The following PHF20 variants were observed in gnomAD, a reference collection of about 807,000 sequenced individuals.
PHF20 encodes glioma-expressed antigen 2.
PHF20 carries 23 observed loss-of-function variants against 113.5 expected under a neutral mutation model. That is an observed-to-expected ratio of 0.20 (90% CI 0.15 to 0.29). The LOEUF (loss-of-function observed/expected upper bound fraction) is 0.29, where lower values mean the gene tolerates loss of function less well. Among genes scored for constraint, PHF20 ranks in the 10% least tolerant of loss-of-function variants. The pLI, the probability that PHF20 is intolerant of heterozygous loss-of-function variation, is 1.00. For missense variants in PHF20, 943 were observed against 1,219.6 expected (o/e 0.77, Z 3.38); for synonymous variants, 434 against 457.3 (o/e 0.95, Z 0.65).
intron 5 of PHF20, 147 bp from the exon 6 acceptor site, chr20:35,862,866 G>A: frequency 1.5e-6 from 1 of 668,486 alleles, no homozygotes; most frequent in Non-Finnish European, 2.5e-6. Flanking sequence ...CAGTACAGGT[G>A]GCTGTTGTCA....
intron 15 of PHF20, among the ~76,000 whole-genome samples, chr20:35,934,712 T>G (rs2055831144): frequency 6.8e-6 from 1 of 146,118 alleles, no homozygotes; most frequent in East Asian, 2.0e-4. Context: ...CCACAGGCCC[T>G]GCTTATACTT....
chr20:35,911,261 C>T (rs1267629424), intron 10 of PHF20, among the ~76,000 whole-genome samples: 1 of 151,816 alleles, frequency 6.6e-6, no homozygotes, highest in African/African-American at 2.4e-5. Context: ...CCAGGATGGT[C>T]TCAATCTCCT....
At position 35,860,159 on chromosome 20, in the gene PHF20, C is replaced by T. The variant is rs534872119; in HGVS notation, c.420+1778C>T. Among the ~76,000 whole-genome samples, 97 of 150,804 alleles carry T rather than the reference C, an allele frequency of 6.4e-4. 2 individuals are homozygous for T. The highest frequency in any genetic ancestry group is 5.7e-3 in the South Asian group (27 of 4,758). On this transcript the variant is annotated intron_variant, in intron 5 of 17. Coordinates refer to ENST00000374012, the MANE Select transcript of PHF20 (RefSeq NM_016436.5). The stretch of plus-strand genomic sequence containing the variant: ...CCTGAACTCCTGACCTCAAGTGATC[C>T]GCCCACCTTGGACTCCTAAAGTGCT...
rs771291094 is a variant in PHF20, at chr20:35,939,117, C to G, written c.2712+9C>G. On this transcript the variant is annotated intron_variant, in intron 16 of 17. Coordinates refer to ENST00000374012, the MANE Select transcript of PHF20 (RefSeq NM_016436.5). ...AACCCGGCTCCCCAAAGGTATGTGG[C>G]TGCCTTGTACTTGTTCTTCATTCAT... 5.7e-6 allele frequency: 9 copies of G among 1,577,022 alleles called. No homozygotes were observed. The highest frequency in any genetic ancestry group is 1.7e-4 in the Middle Eastern group (1 of 5,908).
chr20:35,775,797 TG>T (rs1231038045), intron 1 of PHF20, among the ~76,000 whole-genome samples: 1 of 149,858 alleles, frequency 6.7e-6, no homozygotes, highest in Non-Finnish European at 1.5e-5. Context: ...TCCAGGAGTT[TG>T]GTTTCTGTGT....
At chr20:35,886,549 G>A (rs781082751) in intron 9 of PHF20, among the ~76,000 whole-genome samples, 1 of 152,136 alleles carries the variant, frequency 6.6e-6, no homozygotes, top group Non-Finnish European at 1.5e-5. Context: ...AAACTGCTGG[G>A]CCACATGGCG....
intron 2 of PHF20, among the ~76,000 whole-genome samples, chr20:35,823,880 C>T (rs766672140): frequency 6.6e-6 from 1 of 152,172 alleles, no homozygotes; most frequent in Non-Finnish European, 1.5e-5. Flanking sequence ...ATTTGAGACT[C>T]ACCCGTATTT....
At chr20:35,879,510 G>A (rs1380220054) in intron 9 of PHF20, among the ~76,000 whole-genome samples, 3 of 151,942 alleles carry the variant, frequency 2.0e-5, no homozygotes, top group Non-Finnish European at 4.4e-5. Context: ...TGTAACAATC[G>A]TAAACATTAA....
intron 15 of PHF20, among the ~76,000 whole-genome samples, chr20:35,935,229 C>T (rs1056680284): frequency 2.0e-5 from 3 of 152,186 alleles, no homozygotes; most frequent in African/African-American, 4.8e-5. Context: ...TATCCTCCCA[C>T]CTCAGCCTCC....
At chr20:35,942,468 T>C (rs1415711538) in intron 17 of PHF20, among the ~76,000 whole-genome samples, 1 of 152,196 alleles carries the variant, frequency 6.6e-6, no homozygotes, top group Non-Finnish European at 1.5e-5. Flanking sequence ...CACAGGGACC[T>C]TCCCTGAGGG....
intron 12 of PHF20, 60 bp downstream of exon 12, chr20:35,914,257 C>A: frequency 2.0e-6 from 3 of 1,528,906 alleles, no homozygotes; most frequent in Non-Finnish European, 2.7e-6. Flanking sequence ...TACAAGCATA[C>A]CTGGGAGATA....
At chr20:35,869,225 A>G (rs956120728) in intron 6 of PHF20, among the ~76,000 whole-genome samples, 2 of 152,180 alleles carry the variant, frequency 1.3e-5, no homozygotes, top group East Asian at 3.8e-4. Flanking sequence ...CAGGAGGTCA[A>G]TTGGCAAGGT....
chr20:35,830,093 T>C (rs1206236305), intron 2 of PHF20, among the ~76,000 whole-genome samples: 3 of 151,988 alleles, frequency 2.0e-5, no homozygotes, highest in Non-Finnish European at 4.4e-5. Flanking sequence ...TTTTGTATTT[T>C]AGTAGAGACG....
At chr20:35,932,170 C>T (rs532703939) in intron 15 of PHF20, among the ~76,000 whole-genome samples, 12 of 146,476 alleles carry the variant, frequency 8.2e-5, no homozygotes, top group Admixed American at 7.0e-5. Flanking sequence ...TGGGTTCAAG[C>T]GATTCTCCCA....
chr20:35,816,802 T>TC (rs1281867623), intron 2 of PHF20, among the ~76,000 whole-genome samples: 203 of 150,802 alleles, frequency 1.3e-3, no homozygotes, highest in African/African-American at 4.8e-3. Flanking sequence ...TTTTTTTTCT[T>TC]CTTCTTTGAG....
intron 9 of PHF20, among the ~76,000 whole-genome samples, chr20:35,881,027 C>A (rs1056665484): frequency 6.8e-6 from 1 of 146,964 alleles, no homozygotes; most frequent in African/African-American, 2.5e-5. Context: ...AAATAAGTTC[C>A]AGACCTTTAT....
intron 5 of PHF20, among the ~76,000 whole-genome samples, chr20:35,862,784 G>A (rs75473099): frequency 0.049 from 7,401 of 152,146 alleles, 230 homozygotes; most frequent in African/African-American, 0.099. Flanking sequence ...TGACTTATTC[G>A]TCATAATAAG....
chr20:35,811,810 T>G (rs907984365), intron 2 of PHF20, among the ~76,000 whole-genome samples: 1 of 149,804 alleles, frequency 6.7e-6, no homozygotes, highest in Non-Finnish European at 1.5e-5. Flanking sequence ...TCGCTCTGTC[T>G]CCCAGGCTGG....
chr20:35,809,756 C>G (rs926784732), intron 2 of PHF20, among the ~76,000 whole-genome samples: 1 of 151,682 alleles, frequency 6.6e-6, no homozygotes, highest in Non-Finnish European at 1.5e-5. Context: ...TGGTACATGC[C>G]TGAAGTCCCA....
Sources: gnomAD v4.1 joint callset for allele counts (sites outside exome capture counted in the v4.1 genomes callset) on GRCh38, gnomAD v4.1.1 for gene constraint, MANE v1.5 for transcripts, NCBI Gene and HGNC (gene_info 2026-07-23, HGNC 2026-07-21) for gene names.